Variants in GRID2 observed in about 807,000 individuals in gnomAD.
GRID2 encodes glutamate receptor ionotropic, delta-2.
In GRID2, 33 loss-of-function variants were observed where a neutral mutation model predicts 114.8. The observed-to-expected ratio is 0.29, with a 90% CI of 0.22 to 0.38. The LOEUF (loss-of-function observed/expected upper bound fraction) is 0.38. Ranked by LOEUF, GRID2 falls within the 10% of genes least tolerant of loss-of-function variation. GRID2 has a pLI of 1.00. For synonymous variants in GRID2, 505 were observed against 449.9 expected, an observed-to-expected ratio of 1.12 and a Z score of -1.55; for missense variants, 1,184 against 1,257.7, an observed-to-expected ratio of 0.94 and a Z score of 0.89.
intron 4 of GRID2, among the ~76,000 whole-genome samples, chr4:93,140,243 A>G (rs62308220): frequency 0.08 from 11,755 of 146,522 alleles, 541 homozygotes; most frequent in East Asian, 0.24. Context: ...ACTGCAAGCT[A>G]CGCCTCCCGG....
At chr4:92,782,913 A>T (rs1739152157) in intron 2 of GRID2, among the ~76,000 whole-genome samples, 1 of 152,090 alleles carries the variant, frequency 6.6e-6, no homozygotes, top group Admixed American at 6.6e-5. Context: ...GAAACTTAAC[A>T]GGAGAACAGA....
intron 1 of GRID2, among the ~76,000 whole-genome samples, chr4:92,360,317 C>T (rs931599595): frequency 2.4e-4 from 37 of 151,866 alleles, no homozygotes; most frequent in Admixed American, 2.4e-3. Context: ...AGCTGGGATA[C>T]ACCCCCACCA....
At chr4:93,317,392 A>G (rs530272038) in intron 8 of GRID2, among the ~76,000 whole-genome samples, 65 of 152,102 alleles carry the variant, frequency 4.3e-4, no homozygotes, top group African/African-American at 1.5e-3. Flanking sequence ...TGCCACTGAT[A>G]ATAGTGAAAA....
rs371610582 is a variant in GRID2 at position 92,759,791 on chromosome 4, T to C, written c.244+169505T>C. On this transcript the variant is annotated intron_variant, in intron 2 of 15. Coordinates refer to ENST00000282020, the MANE Select transcript of GRID2 (RefSeq NM_001510.4). ...GCTTTTTTTTCTTCTTCTTCTTCTT[T>C]TTTTTTTTTGTATTTAGTAGAGACG... Among the ~76,000 whole-genome samples, 173 of 150,712 alleles carry C rather than the reference T, an allele frequency of 1.1e-3. No individual in the cohort carries two copies. The East Asian group carries it at 0.021, about 18-fold the overall frequency.
chr4:92,338,783 G>A lies in GRID2; in HGVS notation c.88+34039G>A, dbSNP rs28572563. ...ATTTTGTGTACACGTAGAAAATCTT[G>A]TGTTCATAAACATTATTTAAAATCT... is the stretch of plus-strand genomic sequence containing the variant. On this transcript the variant is annotated intron_variant, in intron 1 of 15. Coordinates refer to ENST00000282020, the MANE Select transcript of GRID2 (RefSeq NM_001510.4). 5.5e-3 allele frequency among the ~76,000 whole-genome samples: 843 copies of A among 152,146 alleles called. 9 individuals are homozygous for A. Among genetic ancestry groups the A allele is most frequent in the African/African-American group, 0.019 (803 of 41,532 alleles).
intron 2 of GRID2, among the ~76,000 whole-genome samples, chr4:92,780,694 T>C (rs1739027047): frequency 6.6e-6 from 1 of 152,110 alleles, no homozygotes; most frequent in African/African-American, 2.4e-5. Flanking sequence ...AAGGTTTCTG[T>C]CCATCCTCTG....
intron 2 of GRID2, among the ~76,000 whole-genome samples, chr4:92,815,881 C>T (rs1272987860): frequency 8.6e-6 from 1 of 116,612 alleles, no homozygotes; most frequent in Non-Finnish European, 1.6e-5. Flanking sequence ...TATCACTGTA[C>T]TCCAGCCAAG....
At chr4:93,170,989 A>G (rs1738759309) in intron 4 of GRID2, among the ~76,000 whole-genome samples, 1 of 152,056 alleles carries the variant, frequency 6.6e-6, no homozygotes, top group Non-Finnish European at 1.5e-5. Flanking sequence ...TCCTGCCTGG[A>G]TTATTCATCT....
chr4:92,458,846 A>G (rs1375982540), intron 1 of GRID2, among the ~76,000 whole-genome samples: 1 of 152,172 alleles, frequency 6.6e-6, no homozygotes, highest in Admixed American at 6.5e-5. Context: ...AAAAAAGTCC[A>G]TGTGATAAGG....
chr4:93,138,989 A>G (rs530838675), intron 4 of GRID2, among the ~76,000 whole-genome samples: 1 of 152,296 alleles, frequency 6.6e-6, no homozygotes, highest in African/African-American at 2.4e-5. Flanking sequence ...TAAACATTTT[A>G]TAGTTCTCTG....
intron 2 of GRID2, among the ~76,000 whole-genome samples, chr4:92,777,358 G>T (rs28560070): frequency 0.17 from 26,276 of 151,754 alleles, 2,795 homozygotes; most frequent in African/African-American, 0.3. Flanking sequence ...GCTTTGTGTG[G>T]TAATAACAGC....
intron 1 of GRID2, among the ~76,000 whole-genome samples, chr4:92,312,730 T>C (rs1326852489): frequency 6.6e-6 from 1 of 152,014 alleles, no homozygotes; most frequent in African/African-American, 2.4e-5. Context: ...TTGGGGAATA[T>C]ATCATTGTAA....
At chr4:93,779,115 C>T (rs28420655), downstream of GRID2, among the ~76,000 whole-genome samples, 9,484 of 151,962 alleles carry the variant, frequency 0.062, 313 homozygotes, top group Admixed American at 0.075. Context: ...GGCTCAATCA[C>T]CAATCATGAA....
At chr4:93,070,537 C>T (rs1728719846) in intron 2 of GRID2, among the ~76,000 whole-genome samples, 1 of 151,940 alleles carries the variant, frequency 6.6e-6, no homozygotes. Context: ...AACTGTGATC[C>T]AGCTCCTGCT....
chr4:93,038,296 G>A (rs901247760), intron 2 of GRID2, among the ~76,000 whole-genome samples: 11 of 151,916 alleles, frequency 7.2e-5, no homozygotes, highest in African/African-American at 2.7e-4. Context: ...TGTGATTTTT[G>A]CACATTGATT....
chr4:93,458,317 G>A (rs1325947822), intron 11 of GRID2, among the ~76,000 whole-genome samples: 2 of 152,114 alleles, frequency 1.3e-5, no homozygotes, highest in Admixed American at 6.5e-5. Flanking sequence ...GCCCTATGAT[G>A]TCTGAGGTTT....
chr4:93,042,285 CTCTCTCTCTCTCTCTA>C (rs1725618177), intron 2 of GRID2, among the ~76,000 whole-genome samples: 2 of 82,544 alleles, frequency 2.4e-5, no homozygotes, highest in African/African-American at 9.3e-5. Context: ...TTCTCTCTCT[CTCTCTCTCTCTCTCTA>C]TATATATATA....
intron 2 of GRID2, among the ~76,000 whole-genome samples, chr4:92,675,563 T>G (rs1227413863): frequency 6.6e-6 from 1 of 151,180 alleles, no homozygotes; most frequent in East Asian, 2.0e-4. Flanking sequence ...TTTTTTTTTT[T>G]TTTTTGAGAC....
chr4:93,083,411 C>G (rs1176512370), intron 2 of GRID2, among the ~76,000 whole-genome samples: 1 of 151,882 alleles, frequency 6.6e-6, no homozygotes, highest in African/African-American at 2.4e-5. Flanking sequence ...AGCATCCATC[C>G]AGGCCAGGCA....
Sources: allele counts gnomAD v4.1 joint callset (sites outside exome capture counted in the v4.1 genomes callset), GRCh38; gene constraint gnomAD v4.1.1; transcripts MANE v1.5; gene names NCBI Gene and HGNC (gene_info 2026-07-23, HGNC 2026-07-21).